Variants in ADAMTS5 observed in about 807,000 individuals in gnomAD.
ADAMTS5 encodes ADAM metallopeptidase with thrombospondin type 1 motif 5.
A neutral mutation model predicts 81.4 loss-of-function variants in ADAMTS5; 54 were observed. That is an observed-to-expected ratio of 0.66 (90% CI 0.53 to 0.83). ADAMTS5 has a LOEUF of 0.83. Ranked by LOEUF, ADAMTS5 falls within the 40% of genes least tolerant of loss-of-function variation. The pLI is 0.00. For missense variants in ADAMTS5, 1,194 were observed against 1,229.9 expected, an observed-to-expected ratio of 0.97 and a Z score of 0.44; for synonymous variants, 532 against 508.8, an observed-to-expected ratio of 1.05 and a Z score of -0.61.
intron 3 of ADAMTS5, among the ~76,000 whole-genome samples, chr21:26,942,559 T>G (rs1341934739): frequency 6.6e-6 from 1 of 152,154 alleles, no homozygotes; most frequent in Non-Finnish European, 1.5e-5. Context: ...TGCTAATGCA[T>G]CTATCCTCCT....
intron 2 of ADAMTS5, among the ~76,000 whole-genome samples, chr21:26,949,966 A>G (rs1211614254): frequency 1.3e-5 from 2 of 152,286 alleles, no homozygotes; most frequent in South Asian, 2.1e-4. Context: ...CTAATCATCT[A>G]CAGAAGCAGA....
At chr21:26,949,218 G>A (rs1029008007) in intron 2 of ADAMTS5, among the ~76,000 whole-genome samples, 16 of 151,252 alleles carry the variant, frequency 1.1e-4, no homozygotes, top group African/African-American at 3.9e-4. Flanking sequence ...GAGAGAGAGA[G>A]AGAGAGTCTT....
rs1184800234 is a variant in ADAMTS5, at chr21:26,920,077, A to G, written c.*3976T>C. 6.6e-6 allele frequency: 1 copy of G among 152,142 alleles called. No individual in the cohort carries two copies. The highest frequency in any genetic ancestry group is 2.4e-5 in the African/African-American group (1 of 41,462). 9.4% of individuals were successfully genotyped at this position (152,142 alleles called of 1,614,324 possible). ...AATGAGATTATACACTCTGCCAAAGACTACTAGAAAAATTTGATCATTATT... is the reference window on the plus strand; with the variant it reads ...AATGAGATTATACACTCTGCCAAAGGCTACTAGAAAAATTTGATCATTATT... On this transcript the variant is annotated 3_prime_UTR_variant, in exon 8 of 8. Transcript: ENST00000284987.
intron 2 of ADAMTS5, among the ~76,000 whole-genome samples, chr21:26,947,469 TGTC>T: frequency 6.6e-6 from 1 of 152,154 alleles, no homozygotes; most frequent in South Asian, 2.1e-4. Flanking sequence ...GTTTCTCTCT[TGTC>T]GTCCAGGCTG....
intron 2 of ADAMTS5, among the ~76,000 whole-genome samples, chr21:26,948,341 CA>C (rs1231889109): frequency 6.6e-6 from 1 of 152,112 alleles, no homozygotes; most frequent in Non-Finnish European, 1.5e-5. Context: ...CCAAACTGAC[CA>C]ATGGTCAAGG....
intron 2 of ADAMTS5, among the ~76,000 whole-genome samples, 184 bp from the exon 3 acceptor site, chr21:26,943,731 C>A (rs1987159893): frequency 6.6e-6 from 1 of 152,166 alleles, no homozygotes; most frequent in Non-Finnish European, 1.5e-5. Context: ...GTAGCAGTTG[C>A]TTTTGGTGAA....
intron 1 of ADAMTS5, among the ~76,000 whole-genome samples, chr21:26,963,775 G>A (rs965752836): frequency 2.1e-5 from 3 of 144,066 alleles, no homozygotes; most frequent in Non-Finnish European, 3.0e-5. Flanking sequence ...CCGCTTCAAA[G>A]ACTAATGTTG....
rs150917890 is a variant in ADAMTS5, at chr21:26,934,567, G to A, written c.1588C>T (p.Leu530=). 1.3e-4 allele frequency: 207 copies of A among 1,614,162 alleles called. No individual in the cohort carries two copies. In the African/African-American group the frequency reaches 2.5e-3, roughly 19 times the overall value. The stretch of plus-strand genomic sequence containing the variant: ...TCCACCGCAGGCAGCTTCTTGGTCA[G>A]ACAGACCATCTGGCCCTGGCGTACC... ...AVVRQGQMVC[L]TKKLPAVEGT... The change falls in exon 4 of 8, where the codon CTG becomes TTG. Residue 530 remains leucine (L), a synonymous_variant. Transcript: ENST00000284987.
chr21:26,964,047 G>A (rs760086347), intron 1 of ADAMTS5, among the ~76,000 whole-genome samples: 9 of 152,140 alleles, frequency 5.9e-5, no homozygotes, highest in Non-Finnish European at 1.3e-4. Flanking sequence ...TGATTCTAAA[G>A]TCTGCAATCC....
chr21:26,920,990 T>C lies in ADAMTS5; in HGVS notation c.*3063A>G, dbSNP rs1986683120. ...CTGTATATTATGTAAACTCACAAAG[T>C]GTAAAAGTGTACTTTATACACAAAC... On this transcript the variant is annotated 3_prime_UTR_variant, in exon 8 of 8. Transcript: ENST00000284987. The C allele has an allele frequency of 6.6e-6, 1 of 152,520 alleles. No individual in the cohort carries two copies. 9.4% of individuals were successfully genotyped at this position (152,520 alleles called of 1,614,324 possible). A position where few individuals can be genotyped will look rare whatever the true frequency, so the allele number is the denominator to read the frequency against.
In ADAMTS5 at chr21:26,943,408, G is replaced by A; in HGVS notation, c.1377C>T (p.Thr459=). ...SKPWSKCTSA[T]ITEFLDDGHG... ...GGCCATCATCCAGGAATTCTGTGAT[G>A]GTGGCTGAAGTGCATTTGGACCAGG... Residue 459 remains threonine (T), a synonymous_variant, in exon 3 of 8, where the codon ACC becomes ACT. Transcript: ENST00000284987. 4 of 1,613,308 alleles carry A rather than the reference G, an allele frequency of 2.5e-6. No individual in the cohort carries two copies. Among genetic ancestry groups the A allele is most frequent in the Non-Finnish European group, 3.4e-6 (4 of 1,179,580 alleles).
intron 7 of ADAMTS5, among the ~76,000 whole-genome samples, chr21:26,927,484 A>C (rs1986825264): frequency 6.6e-6 from 1 of 152,184 alleles, no homozygotes; most frequent in South Asian, 2.1e-4. Flanking sequence ...TGTTCCAGGC[A>C]GAGGAAACAG....
chr21:26,929,463 A>C (rs1310642197), intron 7 of ADAMTS5, among the ~76,000 whole-genome samples: 5 of 152,192 alleles, frequency 3.3e-5, no homozygotes, highest in Non-Finnish European at 7.3e-5. Flanking sequence ...ACATTTTGCA[A>C]GGGGAAATAT....
rs1341426509 is a variant in ADAMTS5, at chr21:26,918,062, A to G, written c.*5991T>C. ...GAAAATATTACAGTATAGGTCCCAA[A>G]CGGCTCAGTTCAAGTCTTTTACCTG... On this transcript the variant is annotated 3_prime_UTR_variant, in exon 8 of 8. Coordinates refer to ENST00000284987, the MANE Select transcript of ADAMTS5 (RefSeq NM_007038.5). 6.6e-6 allele frequency: 1 copy of G among 152,380 alleles called. No individual in the cohort carries two copies. Among genetic ancestry groups the G allele is most frequent in the Non-Finnish European group, 1.5e-5 (1 of 67,900 alleles). 9.4% of individuals were successfully genotyped at this position (152,380 alleles called of 1,614,324 possible). A position where few individuals can be genotyped will look rare whatever the true frequency, so the allele number is the denominator to read the frequency against.
chr21:26,948,355 A>C (rs533034754), intron 2 of ADAMTS5, among the ~76,000 whole-genome samples: 1 of 152,332 alleles, frequency 6.6e-6, no homozygotes, highest in East Asian at 1.9e-4. Flanking sequence ...GGTCAAGGGG[A>C]CACAGTACCA....
In ADAMTS5 at chr21:26,966,229, C is replaced by A. The variant is rs1418076733; in HGVS notation, c.163G>T (p.Ala55Ser). The change falls in exon 1 of 8, where the codon GCC (alanine) becomes TCC (serine). Residue 55 changes from alanine (A) to serine (S), a missense_variant. By Grantham distance (99) the Ala-to-Ser change is moderately conservative (BLOSUM62 1). Transcript: ENST00000284987. The part of the protein sequence containing the change: ...RRQGEEVQER[A>S]EPPGHPHPLA... ...GGGTGCGGGTGGCCGGGAGGCTCGG[C>A]TCGCTCCTGCACCTCCTCCCCCTGC... is the stretch of plus-strand genomic sequence containing the variant. 1.9e-6 allele frequency: 3 copies of A among 1,600,906 alleles called. No individual in the cohort carries two copies. The highest frequency in any genetic ancestry group is 2.6e-6 in the Non-Finnish European group (3 of 1,175,194).
Position 26,926,230 on chromosome 21 carries a change from C to T in ADAMTS5, c.2226-1610G>A, listed in dbSNP as rs568741017. Among the ~76,000 whole-genome samples the T allele has an allele frequency of 3.3e-5, 5 of 152,270 alleles. No homozygotes were observed. In the East Asian group the frequency reaches 9.7e-4, roughly 29 times the overall value. On this transcript the variant is annotated intron_variant, in intron 7 of 7. Coordinates refer to ENST00000284987, the MANE Select transcript of ADAMTS5 (RefSeq NM_007038.5). Reference sequence around the variant, plus strand: ...CTGCAGTGAGTGCACCACTGCACTCCAGCCCGAGTAACAGAATGAGATCCT... The same window carrying T: ...CTGCAGTGAGTGCACCACTGCACTCTAGCCCGAGTAACAGAATGAGATCCT...
At chr21:26,950,666 C>CT (rs1170775987) in intron 2 of ADAMTS5, among the ~76,000 whole-genome samples, 1 of 152,236 alleles carries the variant, frequency 6.6e-6, no homozygotes, top group East Asian at 1.9e-4. Flanking sequence ...AATCTAGCAG[C>CT]TTTTTTGAAA....
In ADAMTS5 at chr21:26,965,645, G is replaced by A. The variant is rs763713878; in HGVS notation, c.747C>T (p.Gly249=). The part of the protein sequence containing the change: ...LDQSALSPAG[G]SGPQTWWRRR... Reference sequence around the variant, plus strand: ...GCCGCCACCACGTCTGCGGTCCTGAGCCCCCAGCGGGCGAGAGAGCGGACT... The same window carrying A: ...GCCGCCACCACGTCTGCGGTCCTGAACCCCCAGCGGGCGAGAGAGCGGACT... The change falls in exon 1 of 8, where the codon GGC becomes GGT. Residue 249 remains glycine (G), a synonymous_variant. Transcript: ENST00000284987. 6.3e-7 allele frequency: 1 copy of A among 1,595,492 alleles called. No individual in the cohort carries two copies. Among genetic ancestry groups the A allele is most frequent in the Admixed American group, 1.7e-5 (1 of 58,398 alleles).
Sources: allele counts gnomAD v4.1 joint callset (sites outside exome capture counted in the v4.1 genomes callset), GRCh38; gene constraint gnomAD v4.1.1; transcripts MANE v1.5; gene names NCBI Gene and HGNC (gene_info 2026-07-23, HGNC 2026-07-21).